The following DNAH9 variants were observed in gnomAD, a reference collection of about 807,000 sequenced individuals.
DNAH9 encodes DNAH9 variant protein.
Under a neutral mutation model 471.6 loss-of-function variants are expected in DNAH9, and 345 were observed. The ratio of observed to expected loss-of-function variants is 0.73; its 90% CI spans 0.67 to 0.80. DNAH9 has a LOEUF of 0.80. Ranked by LOEUF, DNAH9 falls within the 30% of genes least tolerant of loss-of-function variation. The pLI, the probability that DNAH9 is intolerant of heterozygous loss-of-function variation, is 0.00. For missense variants in DNAH9, 5,407 were observed against 5,609.2 expected (o/e 0.96, Z 1.15); for synonymous variants, 2,093 against 2,123.6 (o/e 0.99, Z 0.40).
At position 11,879,957 on chromosome 17, in the gene DNAH9, C is replaced by T. The variant is rs1972649268; in HGVS notation, c.10479-121C>T. On this transcript the variant is annotated intron_variant, in intron 53 of 68. Transcript: ENST00000262442. ...AGAAATGTGGCCACTGAAAACATTC[C>T]AAATAGCTGTGCCTCCAACTATACC... 5 of 1,214,154 alleles carry T rather than the reference C, an allele frequency of 4.1e-6. No individual in the cohort carries two copies. The South Asian group carries it at 4.9e-5, about 12-fold the overall frequency. The allele number at this position is 1,214,154 out of a possible 1,614,324, so 75.2% of individuals were successfully genotyped here.
chr17:11,769,827 G>A (rs1165591848), intron 38 of DNAH9, among the ~76,000 whole-genome samples: 1 of 152,176 alleles, frequency 6.6e-6, no homozygotes, highest in Non-Finnish European at 1.5e-5. Context: ...GCTTTTCCCC[G>A]GTGTTTACAC....
intron 31 of DNAH9, among the ~76,000 whole-genome samples, chr17:11,746,873 G>A (rs1966901894): frequency 6.6e-6 from 1 of 152,012 alleles, no homozygotes; most frequent in Admixed American, 6.6e-5. Context: ...CCCTTTTTGA[G>A]TAAGTTACTT....
chr17:11,622,181 G>A (rs1479776718), intron 6 of DNAH9, among the ~76,000 whole-genome samples: 1 of 152,078 alleles, frequency 6.6e-6, no homozygotes, highest in Non-Finnish European at 1.5e-5. Flanking sequence ...GAACACAAGA[G>A]AAAATCAGTT....
intron 59 of DNAH9, among the ~76,000 whole-genome samples, chr17:11,902,200 A>C (rs994969258): frequency 1.3e-5 from 2 of 152,226 alleles, no homozygotes; most frequent in East Asian, 3.9e-4. Context: ...AGATGAAGAG[A>C]TCTGGCTACC....
intron 19 of DNAH9, among the ~76,000 whole-genome samples, chr17:11,682,375 C>A (rs531145022): frequency 6.6e-6 from 1 of 152,260 alleles, no homozygotes; most frequent in Non-Finnish European, 1.5e-5. Flanking sequence ...CCTCAGCCTC[C>A]TGAGTAGCTG....
At chr17:11,677,910 G>A (rs1017785140) in intron 17 of DNAH9, among the ~76,000 whole-genome samples, 4 of 151,656 alleles carry the variant, frequency 2.6e-5, no homozygotes, top group Admixed American at 2.6e-4. Flanking sequence ...AAAGACTTTA[G>A]AATAGTTTCA....
intron 68 of DNAH9, among the ~76,000 whole-genome samples, chr17:11,967,947 C>T (rs1027034593): frequency 1.3e-5 from 2 of 152,068 alleles, no homozygotes; most frequent in Non-Finnish European, 2.9e-5. Context: ...TATGTATGCA[C>T]CTAACAAAAG....
At chr17:11,929,149 C>G (rs12150656) in intron 62 of DNAH9, among the ~76,000 whole-genome samples, 36,980 of 151,340 alleles carry the variant, frequency 0.24, 5,347 homozygotes, top group Non-Finnish European at 0.33. Flanking sequence ...ATTCTCCTCC[C>G]TCAGCCTCCT....
At chr17:11,783,212 A>T (rs930265871) in intron 39 of DNAH9, among the ~76,000 whole-genome samples, 1 of 152,148 alleles carries the variant, frequency 6.6e-6, no homozygotes, top group African/African-American at 2.4e-5. Flanking sequence ...AGTGGAAAAG[A>T]GGGATGAGGA....
chr17:11,644,557 C>T lies in DNAH9; in HGVS notation c.1902-74C>T, dbSNP rs1301342257. ...AGCTATTCACGCTCTTCTTTGGAGA[C>T]TGCAGTTTGTTCCTCGGATTATTAC... On this transcript the variant is annotated intron_variant, in intron 10 of 68. Coordinates refer to ENST00000262442, the MANE Select transcript of DNAH9 (RefSeq NM_001372.4). 3 of 1,083,300 alleles carry T rather than the reference C, an allele frequency of 2.8e-6. No homozygotes were observed. In the East Asian group the frequency reaches 7.3e-5, roughly 26 times the overall value. 67.1% of individuals were successfully genotyped at this position (1,083,300 alleles called of 1,614,324 possible). A position where few individuals can be genotyped will look rare whatever the true frequency, so the allele number is the denominator to read the frequency against.
intron 58 of DNAH9, among the ~76,000 whole-genome samples, chr17:11,893,269 T>C (rs1283149782): frequency 6.6e-6 from 1 of 150,802 alleles, no homozygotes; most frequent in Non-Finnish European, 1.5e-5. Context: ...TGTACACAGC[T>C]CACTAATTCC....
At chr17:11,669,984 A>C (rs2073948373) in intron 17 of DNAH9, among the ~76,000 whole-genome samples, 190 bp downstream of exon 17, 1 of 152,184 alleles carries the variant, frequency 6.6e-6, no homozygotes, top group South Asian at 2.1e-4. Flanking sequence ...TCACCAGATA[A>C]GGCCTCTTTG....
chr17:11,886,396 G>T (rs1236548717), intron 56 of DNAH9, among the ~76,000 whole-genome samples: 6 of 151,848 alleles, frequency 4.0e-5, no homozygotes, highest in Non-Finnish European at 7.4e-5. Flanking sequence ...AGATATCTTT[G>T]TGAAATTACA....
At chr17:11,694,182 A>G (rs980932856) in intron 21 of DNAH9, 139 bp from the exon 22 acceptor site, 25 of 1,215,884 alleles carry the variant, frequency 2.1e-5, no homozygotes, top group East Asian at 1.4e-4. Context: ...ATCCATGTAT[A>G]TCTTTGCAAA....
At chr17:11,817,646 ATATTAT>A in intron 45 of DNAH9, among the ~76,000 whole-genome samples, 1 of 152,312 alleles carries the variant, frequency 6.6e-6, no homozygotes, top group African/African-American at 2.4e-5. Flanking sequence ...ATTCCATTAA[ATATTAT>A]TATTTAAACT....
At chr17:11,641,128 G>A (rs548355945) in intron 10 of DNAH9, among the ~76,000 whole-genome samples, 1 of 152,178 alleles carries the variant, frequency 6.6e-6, no homozygotes. Context: ...TGGACTCACA[G>A]GCTTTTTGGA....
intron 49 of DNAH9, among the ~76,000 whole-genome samples, chr17:11,850,896 G>T (rs930489259): frequency 6.6e-6 from 1 of 152,088 alleles, no homozygotes; most frequent in African/African-American, 2.4e-5. Context: ...TGGACACTGG[G>T]GCTTCCATGG....
intron 50 of DNAH9, among the ~76,000 whole-genome samples, chr17:11,866,821 A>G (rs1415401093): frequency 1.3e-5 from 2 of 152,252 alleles, no homozygotes. Flanking sequence ...GGACCCTCCG[A>G]GCCAGGTGCA....
chr17:11,620,125 G>A (rs936807496), intron 6 of DNAH9, among the ~76,000 whole-genome samples: 1 of 151,314 alleles, frequency 6.6e-6, no homozygotes, highest in Non-Finnish European at 1.5e-5. Flanking sequence ...TGAGGTGGGA[G>A]GATGGCTTGA....
Sources: allele counts gnomAD v4.1 joint callset (sites outside exome capture counted in the v4.1 genomes callset), GRCh38; gene constraint gnomAD v4.1.1; transcripts MANE v1.5; gene names NCBI Gene and HGNC (gene_info 2026-07-23, HGNC 2026-07-21).